CCSER1: variants seen among roughly 807,000 people sequenced by gnomAD.
CCSER1 encodes the protein serine-rich coiled-coil domain-containing protein 1.
In CCSER1, 41 loss-of-function variants were observed where a neutral mutation model predicts 82.0. The ratio of observed to expected loss-of-function variants is 0.50; its 90% CI spans 0.39 to 0.65. CCSER1 has a LOEUF of 0.65. Ranked by LOEUF, CCSER1 falls within the 30% of genes least tolerant of loss-of-function variation. CCSER1 has a pLI of 0.00. For synonymous variants in CCSER1, 414 were observed against 383.9 expected (o/e 1.08, Z -0.92); for missense variants, 1,119 against 1,064.2 (o/e 1.05, Z -0.72).
intron 5 of CCSER1, among the ~76,000 whole-genome samples, chr4:90,579,561 A>C (rs1781183726): frequency 6.6e-6 from 1 of 152,194 alleles, no homozygotes; most frequent in Non-Finnish European, 1.5e-5. Flanking sequence ...CTGCTTATAT[A>C]TAATTTTTCA....
intron 10 of CCSER1, among the ~76,000 whole-genome samples, chr4:91,155,316 C>T (rs1435603693): frequency 6.6e-6 from 1 of 151,936 alleles, no homozygotes; most frequent in South Asian, 2.1e-4. Flanking sequence ...ATGCCCTCTT[C>T]CCTGCTGCCA....
At chr4:91,376,604 C>G (rs1750430632) in intron 10 of CCSER1, among the ~76,000 whole-genome samples, 1 of 151,934 alleles carries the variant, frequency 6.6e-6, no homozygotes, top group Admixed American at 6.6e-5. Context: ...GCAAATTAAG[C>G]AACCAGAGTT....
At chr4:90,588,713 C>T (rs970884158) in intron 5 of CCSER1, among the ~76,000 whole-genome samples, 2 of 152,116 alleles carry the variant, frequency 1.3e-5, no homozygotes, top group Admixed American at 1.3e-4. Context: ...TCGGTTTCCC[C>T]CATACTGTTC....
chr4:90,704,579 G>T (rs146404724), intron 6 of CCSER1, among the ~76,000 whole-genome samples: 1 of 152,130 alleles, frequency 6.6e-6, no homozygotes, highest in African/African-American at 2.4e-5. Context: ...TTTCCAAGTT[G>T]GTTCCATTCT....
chr4:91,045,543 G>A (rs543939403), intron 9 of CCSER1, among the ~76,000 whole-genome samples: 2 of 152,004 alleles, frequency 1.3e-5, no homozygotes, highest in South Asian at 4.2e-4. Flanking sequence ...CAGACATGGA[G>A]CACCTGGAAA....
Position 90,724,028 on chromosome 4 carries a change from A to AT in CCSER1, c.2010+39dup, listed in dbSNP as rs755245434. The AT allele has an allele frequency of 7.5e-5, 93 of 1,247,646 alleles. 1 individual carries two copies. The East Asian group carries it at 1.1e-3, about 14-fold the overall frequency. 77.3% of individuals were successfully genotyped at this position (1,247,646 alleles called of 1,614,324 possible). Reference sequence around the variant, plus strand: ...ACAAGAAAGCATTATTTATAAAAATATTAGGATAGTTAATAAATAGTTTAA... The same window carrying AT: ...ACAAGAAAGCATTATTTATAAAAATATTTAGGATAGTTAATAAATAGTTTAA... On this transcript the variant is annotated intron_variant, in intron 7 of 10. Coordinates refer to ENST00000509176, the MANE Select transcript of CCSER1 (RefSeq NM_001145065.2).
chr4:90,999,014 T>C (rs1260426267), intron 9 of CCSER1, among the ~76,000 whole-genome samples: 1 of 152,174 alleles, frequency 6.6e-6, no homozygotes, highest in African/African-American at 2.4e-5. Flanking sequence ...TATTAATTTA[T>C]TTAGAATAAT....
intron 10 of CCSER1, among the ~76,000 whole-genome samples, chr4:91,187,816 G>T (rs990565871): frequency 6.6e-6 from 1 of 152,222 alleles, no homozygotes; most frequent in African/African-American, 2.4e-5. Flanking sequence ...GCCTCCCAAA[G>T]TGCTGGGATT....
At chr4:90,538,274 T>C (rs1458380310) in intron 5 of CCSER1, among the ~76,000 whole-genome samples, 1 of 152,144 alleles carries the variant, frequency 6.6e-6, no homozygotes, top group African/African-American at 2.4e-5. Context: ...CTCATAGTTA[T>C]GCAGTTTTGA....
chr4:91,216,701 T>C (rs993117933), intron 10 of CCSER1, among the ~76,000 whole-genome samples: 1 of 152,366 alleles, frequency 6.6e-6, no homozygotes, highest in African/African-American at 2.4e-5. Context: ...CATACTTTCC[T>C]ATATTATTTT....
intron 10 of CCSER1, among the ~76,000 whole-genome samples, chr4:91,409,459 T>G (rs1342332834): frequency 6.6e-6 from 1 of 152,166 alleles, no homozygotes; most frequent in South Asian, 2.1e-4. Context: ...TTCTGTAGTT[T>G]TCAAATTTTA....
At chr4:90,364,671 GT>G (rs1745956571) in intron 3 of CCSER1, among the ~76,000 whole-genome samples, 1 of 151,906 alleles carries the variant, frequency 6.6e-6, no homozygotes, top group African/African-American at 2.4e-5. Context: ...TAATTCACAA[GT>G]TGGGGAATAT....
At chr4:90,776,784 A>G (rs1254583541) in intron 7 of CCSER1, among the ~76,000 whole-genome samples, 1 of 152,196 alleles carries the variant, frequency 6.6e-6, no homozygotes, top group Non-Finnish European at 1.5e-5. Flanking sequence ...AGATTTGAGC[A>G]ATTTGAGAAA....
chr4:91,102,802 A>G (rs532271959), intron 10 of CCSER1, among the ~76,000 whole-genome samples: 1 of 152,328 alleles, frequency 6.6e-6, no homozygotes. Flanking sequence ...AGATGGTTGA[A>G]CTGATTCAGC....
At chr4:90,709,259 T>C (rs558438841) in intron 6 of CCSER1, among the ~76,000 whole-genome samples, 3 of 152,306 alleles carry the variant, frequency 2.0e-5, no homozygotes, top group African/African-American at 7.2e-5. Context: ...TATTATGTTT[T>C]AAAATTTTTA....
At chr4:90,609,195 A>G (rs1785138037) in intron 5 of CCSER1, among the ~76,000 whole-genome samples, 1 of 152,144 alleles carries the variant, frequency 6.6e-6, no homozygotes, top group East Asian at 1.9e-4. Context: ...CCCTTACTAG[A>G]TAATAAAAAT....
chr4:90,326,145 G>T (rs530584360), intron 3 of CCSER1, among the ~76,000 whole-genome samples: 1 of 136,726 alleles, frequency 7.3e-6, no homozygotes, highest in East Asian at 2.3e-4. Context: ...TGCAAGCTCC[G>T]CCTCCCAGGT....
chr4:90,857,482 G>T (rs1388121675), intron 8 of CCSER1, among the ~76,000 whole-genome samples: 1 of 152,086 alleles, frequency 6.6e-6, no homozygotes. Flanking sequence ...CCTAACCTCA[G>T]AAATGTTATC....
intron 10 of CCSER1, among the ~76,000 whole-genome samples, chr4:91,089,351 G>A (rs1412218009): frequency 6.6e-6 from 1 of 152,184 alleles, no homozygotes; most frequent in Non-Finnish European, 1.5e-5. Flanking sequence ...GGTCAGGCAG[G>A]CCCAGGCCTG....
Sources: gnomAD v4.1 joint callset for allele counts (sites outside exome capture counted in the v4.1 genomes callset) on GRCh38, gnomAD v4.1.1 for gene constraint, MANE v1.5 for transcripts, NCBI Gene and HGNC (gene_info 2026-07-23, HGNC 2026-07-21) for gene names.